NRP1: variants seen among roughly 807,000 people sequenced by gnomAD.
NRP1 encodes the protein neuropilin-1.
Under a neutral mutation model 106.7 loss-of-function variants are expected in NRP1, and 35 were observed. The observed-to-expected ratio is 0.33, with a 90% CI of 0.25 to 0.43. The LOEUF is 0.43. Ranked by LOEUF, NRP1 falls within the 20% of genes least tolerant of loss-of-function variation. NRP1 has a pLI of 1.00. For synonymous variants in NRP1, 437 were observed against 417.9 expected (o/e 1.05, Z -0.56); for missense variants, 1,024 against 1,170.4 (o/e 0.87, Z 1.83).
chr10:33,232,638 CTT>C (rs71030049), intron 6 of NRP1, among the ~76,000 whole-genome samples: 17 of 94,200 alleles, frequency 1.8e-4, no homozygotes, highest in East Asian at 4.0e-4. Context: ...TTTTCTTTTC[CTT>C]TTTTTTTTTT....
intron 13 of NRP1, among the ~76,000 whole-genome samples, chr10:33,190,538 T>G (rs1013998736): frequency 6.6e-6 from 1 of 152,176 alleles, no homozygotes; most frequent in Non-Finnish European, 1.5e-5. Context: ...TTATATTCAC[T>G]GGGAGAAAAG....
In NRP1 at chr10:33,186,359, G is replaced by A. The variant is rs757977129; in HGVS notation, c.2192C>T (p.Ser731Phe). Residue 731 changes from serine to phenylalanine, a missense_variant, in exon 14 of 17, where the codon TCC (serine) becomes TTC (phenylalanine). By Grantham distance (155) the Ser-to-Phe change is radical. This residue lies in a region of NRP1 where 562 missense variants were observed against 620.3 expected (regional missense o/e 0.91). Transcript: ENST00000374867. ...TTTGACCCTGAGTGTGCCGACGTGGGACCCAGACATGTGATACCAGAAGGT... is the reference window on the plus strand; with the variant it reads ...TTTGACCCTGAGTGTGCCGACGTGGAACCCAGACATGTGATACCAGAAGGT... ...CMTFWYHMSG[S>F]HVGTLRVKLR... 3.7e-5 allele frequency: 60 copies of A among 1,614,022 alleles called. No individual in the cohort carries two copies. In the Admixed American group the frequency reaches 8.8e-4, roughly 24 times the overall value.
At chr10:33,180,464 A>C in intron 16 of NRP1, 99 bp from the exon 17 acceptor site, 1 of 1,220,814 alleles carries the variant, frequency 8.2e-7, no homozygotes. Flanking sequence ...CAAATCACAC[A>C]CCCCAGTTTT....
chr10:33,249,469 T>C (rs1438600005), intron 6 of NRP1: 1 of 529,346 alleles, frequency 1.9e-6, no homozygotes, highest in East Asian at 5.5e-5. Context: ...TCAATGAGCT[T>C]AATGGCCTGG....
chr10:33,311,153 T>C lies in NRP1; in HGVS notation c.248+19555A>G, dbSNP rs181629858. Among the ~76,000 whole-genome samples the C allele has an allele frequency of 4.6e-4, 70 of 152,278 alleles. No homozygotes were observed. In the East Asian group the frequency reaches 0.012, roughly 26 times the overall value. On this transcript the variant is annotated intron_variant, in intron 2 of 16. Transcript: ENST00000374867. ...GGAGAATACGCATATGCTAGTCAAG[T>C]GTCCAGGGTCGGGGGATTGAGTGAC...
At chr10:33,285,473 T>C (rs1470271799) in intron 2 of NRP1, among the ~76,000 whole-genome samples, 1 of 152,176 alleles carries the variant, frequency 6.6e-6, no homozygotes, top group Non-Finnish European at 1.5e-5. Flanking sequence ...ATGAGAAATT[T>C]TTTCGTGATC....
chr10:33,249,091 T>G (rs970128565), intron 6 of NRP1, among the ~76,000 whole-genome samples: 7 of 142,304 alleles, frequency 4.9e-5, no homozygotes, highest in East Asian at 4.0e-4. Flanking sequence ...CTTGTTTTTT[T>G]TTTTTTTTTT....
chr10:33,309,805 T>A (rs1846440342), intron 2 of NRP1, among the ~76,000 whole-genome samples: 1 of 152,216 alleles, frequency 6.6e-6, no homozygotes, highest in African/African-American at 2.4e-5. Context: ...TTCTACAGCT[T>A]TAGCCAACAA....
At chr10:33,225,224 G>T (rs1434867111) in intron 7 of NRP1, among the ~76,000 whole-genome samples, 1 of 152,132 alleles carries the variant, frequency 6.6e-6, no homozygotes, top group Non-Finnish European at 1.5e-5. Context: ...TAATCAAAGG[G>T]AATTAATAGA....
chr10:33,296,011 G>A (rs1327590853), intron 2 of NRP1, among the ~76,000 whole-genome samples: 8 of 152,120 alleles, frequency 5.3e-5, no homozygotes, highest in African/African-American at 1.4e-4. Context: ...CTGAGTGTTT[G>A]GGTTTTGTAG....
chr10:33,297,366 G>A (rs557700593), intron 2 of NRP1, among the ~76,000 whole-genome samples: 33 of 152,300 alleles, frequency 2.2e-4, no homozygotes, highest in Non-Finnish European at 3.8e-4. Context: ...TCTGAAAATT[G>A]TATTTCCTAC....
intron 6 of NRP1, among the ~76,000 whole-genome samples, chr10:33,244,383 C>T (rs927341825): frequency 6.6e-6 from 1 of 152,204 alleles, no homozygotes; most frequent in Non-Finnish European, 1.5e-5. Context: ...CAGAAATCAA[C>T]AAACTCCACC....
intron 2 of NRP1, among the ~76,000 whole-genome samples, chr10:33,310,127 T>A (rs1165418835): frequency 6.6e-6 from 1 of 151,838 alleles, no homozygotes; most frequent in Non-Finnish European, 1.5e-5. Flanking sequence ...TTTTTTGTAT[T>A]TTTAGTAGAG....
chr10:33,249,898 GT>G (rs145794392), intron 6 of NRP1, among the ~76,000 whole-genome samples: 31,247 of 147,112 alleles, frequency 0.21, 3,650 homozygotes, highest in Non-Finnish European at 0.28. Flanking sequence ...ATGATGCATT[GT>G]TTTTTTTTTT....
chr10:33,291,856 T>A (rs760442782), intron 2 of NRP1, among the ~76,000 whole-genome samples: 1 of 152,160 alleles, frequency 6.6e-6, no homozygotes, highest in Non-Finnish European at 1.5e-5. Context: ...CTCTAAGAGA[T>A]TGGGTTGGCC....
At chr10:33,256,523 G>C (rs1156886887) in intron 4 of NRP1, 52 bp from the exon 5 acceptor site, 6 of 1,594,432 alleles carry the variant, frequency 3.8e-6, no homozygotes, top group Non-Finnish European at 5.2e-6. Context: ...TCCTGCAGCA[G>C]ATGCAAGAAT....
Position 33,261,626 on chromosome 10 carries a change from T to C in NRP1, c.658+2020A>G, listed in dbSNP as rs201589606. Among the ~76,000 whole-genome samples, 120 of 152,320 alleles carry C rather than the reference T, an allele frequency of 7.9e-4. 3 individuals are homozygous for C. The East Asian group carries it at 0.02, about 26-fold the overall frequency. On this transcript the variant is annotated intron_variant, in intron 4 of 16. Coordinates refer to ENST00000374867, the MANE Select transcript of NRP1 (RefSeq NM_003873.7). ...TTTATTCCAATGGCAATATAAGGCT[T>C]CTCTAAACCTGGTTTTTTTCTAATG...
At position 33,279,965 on chromosome 10, in the gene NRP1, A is replaced by T. The variant is rs139615599; in HGVS notation, c.249-9109T>A. Among the ~76,000 whole-genome samples, 549 of 152,314 alleles carry T rather than the reference A, an allele frequency of 3.6e-3. 3 individuals carry two copies. The highest frequency in any genetic ancestry group is 0.014 in the Middle Eastern group (4 of 294). The stretch of plus-strand genomic sequence containing the variant: ...TTCACAATGAATAGGAAAGCAGGAT[A>T]ATGGATTGAGCCACACTCTCCTGAT... On this transcript the variant is annotated intron_variant, in intron 2 of 16. Coordinates refer to ENST00000374867, the MANE Select transcript of NRP1 (RefSeq NM_003873.7).
At chr10:33,222,925 CG>C (rs1055945046) in intron 7 of NRP1, among the ~76,000 whole-genome samples, 1 of 152,160 alleles carries the variant, frequency 6.6e-6, no homozygotes, top group African/African-American at 2.4e-5. Context: ...TCTGCCTGGG[CG>C]GGGGGCTGCA....
Sources: allele counts gnomAD v4.1 joint callset (sites outside exome capture counted in the v4.1 genomes callset), GRCh38; gene constraint gnomAD v4.1.1; regional missense constraint gnomAD v4.1.1; transcripts MANE v1.5; gene names NCBI Gene and HGNC (gene_info 2026-07-23, HGNC 2026-07-21).